TBL1X: variants seen among roughly 807,000 people sequenced by gnomAD.
TBL1X encodes the protein F-box-like/WD repeat-containing protein TBL1X.
Under a neutral mutation model 50.7 loss-of-function variants are expected in TBL1X, and 10 were observed. The ratio of observed to expected loss-of-function variants is 0.20; its 90% CI spans 0.12 to 0.33. The LOEUF (loss-of-function observed/expected upper bound fraction) is 0.33. Among genes scored for constraint, TBL1X ranks in the 10% least tolerant of loss-of-function variants. The pLI is 1.00. For synonymous variants in TBL1X, 190 were observed against 214.7 expected, an observed-to-expected ratio of 0.88 and a Z score of 1.01; for missense variants, 340 against 504.4, an observed-to-expected ratio of 0.67 and a Z score of 3.12.
At chrX:9,630,250 G>A (rs1305545242) in intron 2 of TBL1X, among the ~76,000 whole-genome samples, 2 of 111,698 alleles carry the variant, frequency 1.8e-5, no homozygotes, top group African/African-American at 3.3e-5. Flanking sequence ...GGAATCACTC[G>A]ATGTTTCGTT....
chrX:9,678,695 G>A (rs996770680), intron 5 of TBL1X, among the ~76,000 whole-genome samples: 18 of 112,784 alleles, frequency 1.6e-4, no homozygotes, highest in African/African-American at 4.5e-4. Context: ...CTAAAGGCCA[G>A]TGATTGATAA....
chrX:9,470,035 A>C (rs919008778), intron 1 of TBL1X, among the ~76,000 whole-genome samples: 2 of 112,807 alleles, frequency 1.8e-5, no homozygotes, highest in African/African-American at 6.4e-5. Context: ...CCTTAATGTA[A>C]GAAACCACAG....
chrX:9,698,923 C>T (rs1332761119), intron 12 of TBL1X, among the ~76,000 whole-genome samples: 1 of 111,548 alleles, frequency 9.0e-6, no homozygotes, highest in Non-Finnish European at 1.9e-5. Context: ...GCTCTGGAGT[C>T]TGTAGAGATT....
intron 2 of TBL1X, chrX:9,637,729 G>T (rs1171592725): frequency 9.0e-6 from 1 of 111,607 alleles, no homozygotes; most frequent in Non-Finnish European, 1.9e-5. Flanking sequence ...AGTCCCAGAA[G>T]GGTAGGTGTC....
intron 1 of TBL1X, among the ~76,000 whole-genome samples, chrX:9,492,838 G>GGTGTGTGTGTGTGT (rs774050435): frequency 3.5e-5 from 2 of 57,002 alleles, no homozygotes; most frequent in Non-Finnish European, 6.9e-5. Flanking sequence ...GGGGCTAGAG[G>GGTGTGTGTGTGTGT]GTGTGTGTGT....
chrX:9,671,412 GC>G (rs1379935116), intron 5 of TBL1X, among the ~76,000 whole-genome samples: 1 of 113,042 alleles, frequency 8.8e-6, no homozygotes, highest in Non-Finnish European at 1.9e-5. Context: ...TGGGCATGCG[GC>G]CCATGCCGAG....
chrX:9,679,517 C>T (rs1481056942), intron 5 of TBL1X, among the ~76,000 whole-genome samples: 1 of 112,195 alleles, frequency 8.9e-6, no homozygotes, highest in East Asian at 2.8e-4. Flanking sequence ...ACTAACCCAT[C>T]ACCCTCACAC....
At chrX:9,529,616 G>T (rs2082149880) in intron 2 of TBL1X, among the ~76,000 whole-genome samples, 2 of 110,285 alleles carry the variant, frequency 1.8e-5, no homozygotes, top group African/African-American at 6.6e-5. Flanking sequence ...GACATGGGGG[G>T]TCATGAGGCT....
intron 13 of TBL1X, among the ~76,000 whole-genome samples, chrX:9,708,958 G>A (rs756157381): frequency 7.5e-4 from 84 of 112,384 alleles, no homozygotes; most frequent in Non-Finnish European, 1.2e-3. Flanking sequence ...TTTATGGTAT[G>A]TGATTTCTTC....
intron 1 of TBL1X, among the ~76,000 whole-genome samples, chrX:9,491,874 A>T (rs760913958): frequency 9.0e-6 from 1 of 111,443 alleles, no homozygotes; most frequent in South Asian, 3.8e-4. Context: ...TTGCTTGCTG[A>T]TAGGACAACA....
At chrX:9,531,342 A>G (rs2082158941) in intron 2 of TBL1X, among the ~76,000 whole-genome samples, 1 of 86,473 alleles carries the variant, frequency 1.2e-5, no homozygotes, top group Non-Finnish European at 2.3e-5. Context: ...TTTTTGAACT[A>G]AGAACCTGGA....
At chrX:9,564,552 G>A (rs539998915) in intron 2 of TBL1X, among the ~76,000 whole-genome samples, 114 of 110,621 alleles carry the variant, frequency 1.0e-3, no homozygotes, top group African/African-American at 3.5e-3. Context: ...GGCCAACATG[G>A]TGAAACCTCG....
At chrX:9,625,306 A>G (rs996307477) in intron 2 of TBL1X, among the ~76,000 whole-genome samples, 2 of 112,041 alleles carry the variant, frequency 1.8e-5, no homozygotes, top group Non-Finnish European at 3.8e-5. Context: ...GTGTGGTTAT[A>G]TTGTTTTTTT....
At chrX:9,694,164 G>A (rs1329723193) in intron 11 of TBL1X, among the ~76,000 whole-genome samples, 1 of 108,158 alleles carries the variant, frequency 9.2e-6, no homozygotes, top group African/African-American at 3.4e-5. Context: ...TCATGGAACA[G>A]TTGTGCGTTC....
chrX:9,541,942 CTTTTTTTTTTTT>C (rs747084885), intron 2 of TBL1X, among the ~76,000 whole-genome samples: 2 of 95,330 alleles, frequency 2.1e-5, no homozygotes, highest in Non-Finnish European at 4.3e-5. Flanking sequence ...TTTCTTTTTT[CTTTTTTTTTTTT>C]TTTAACAAAA....
chrX:9,491,338 A>ATATATATATAT (rs1328551249), intron 1 of TBL1X, among the ~76,000 whole-genome samples: 1 of 31,318 alleles, frequency 3.2e-5, no homozygotes, highest in African/African-American at 1.2e-4. Flanking sequence ...ATATATATAT[A>ATATATATATAT]TTTTTTTTTT....
chrX:9,482,130 A>G (rs1219242635), intron 1 of TBL1X, among the ~76,000 whole-genome samples: 1 of 63,026 alleles, frequency 1.6e-5, no homozygotes, highest in Non-Finnish European at 3.3e-5. Flanking sequence ...TTTCTGGACT[A>G]CAAGTCCCAA....
chrX:9,515,082 A>C (rs1011961092), intron 2 of TBL1X, among the ~76,000 whole-genome samples: 3 of 111,397 alleles, frequency 2.7e-5, no homozygotes, highest in African/African-American at 9.8e-5. Context: ...AAATGAGACA[A>C]ATCATTTCCC....
chrX:9,713,064 A>G (rs6640481), intron 16 of TBL1X, among the ~76,000 whole-genome samples: 1 of 109,551 alleles, frequency 9.1e-6, no homozygotes, highest in Non-Finnish European at 1.9e-5. Context: ...TGTGGACTCA[A>G]TGGTGATGAG....
Sources: allele counts gnomAD v4.1 joint callset (sites outside exome capture counted in the v4.1 genomes callset), GRCh38; gene constraint gnomAD v4.1.1; transcripts MANE v1.5; gene names NCBI Gene and HGNC (gene_info 2026-07-23, HGNC 2026-07-21).